Variants in PTPRN2 observed in about 807,000 individuals in gnomAD.
PTPRN2 encodes receptor-type tyrosine-protein phosphatase N2.
Under a neutral mutation model 118.8 loss-of-function variants are expected in PTPRN2, and 74 were observed. The ratio of observed to expected loss-of-function variants is 0.62; its 90% CI spans 0.52 to 0.76. The LOEUF (loss-of-function observed/expected upper bound fraction) is 0.76. PTPRN2 is among the 30% of genes least tolerant of loss of function. The pLI is 0.00. For missense variants in PTPRN2, 1,481 were observed against 1,394.4 expected, an observed-to-expected ratio of 1.06 and a Z score of -0.99; for synonymous variants, 641 against 608.0, an observed-to-expected ratio of 1.05 and a Z score of -0.80.
At chr7:157,811,332 T>TTATATGTATATATATA (rs1806026027) in intron 12 of PTPRN2, among the ~76,000 whole-genome samples, 1 of 131,296 alleles carries the variant, frequency 7.6e-6, no homozygotes. Flanking sequence ...ATCTACTCTA[T>TTATATGTATATATATA]TATATATATA....
chr7:158,270,795 GGACC>G (rs1798310903), intron 3 of PTPRN2, among the ~76,000 whole-genome samples: 4 of 71,444 alleles, frequency 5.6e-5, no homozygotes, highest in Non-Finnish European at 1.1e-4. Flanking sequence ...CCCTCCACCT[GGACC>G]ACCCCCTCAC....
chr7:158,355,869 C>A (rs115051047), intron 2 of PTPRN2, among the ~76,000 whole-genome samples: 2 of 152,134 alleles, frequency 1.3e-5, no homozygotes, highest in Admixed American at 6.5e-5. Flanking sequence ...CGTGGGGATG[C>A]GGGAAGGCTG....
chr7:157,712,746 C>T (rs932307458), intron 12 of PTPRN2, among the ~76,000 whole-genome samples: 1 of 101,486 alleles, frequency 9.9e-6, no homozygotes, highest in African/African-American at 4.1e-5. Flanking sequence ...AGTGAAACTC[C>T]ATCTCAAAAA....
At chr7:158,523,340 C>T (rs542369980) in intron 1 of PTPRN2, among the ~76,000 whole-genome samples, 2 of 130,914 alleles carry the variant, frequency 1.5e-5, no homozygotes, top group South Asian at 5.3e-4. Flanking sequence ...CTGCCGACAG[C>T]GAGTCTGCCC....
At chr7:158,191,123 G>A (rs972591540) in intron 5 of PTPRN2, among the ~76,000 whole-genome samples, 13 of 152,352 alleles carry the variant, frequency 8.5e-5, no homozygotes, top group South Asian at 2.1e-4. Context: ...GTGGCCACGC[G>A]TCCTCTGGGA....
chr7:158,304,699 A>T (rs1225693827), intron 3 of PTPRN2, among the ~76,000 whole-genome samples: 2 of 152,242 alleles, frequency 1.3e-5, no homozygotes, highest in African/African-American at 4.8e-5. Context: ...TTATCTAAGG[A>T]CTGGGAATCG....
rs1308385146 is a variant in PTPRN2, at chr7:157,627,235, G to A, written c.2197-5726C>T. 2.0e-5 allele frequency among the ~76,000 whole-genome samples: 3 copies of A among 152,190 alleles called. No individual in the cohort carries two copies. Among genetic ancestry groups the A allele is most frequent in the East Asian group, 1.9e-4 (1 of 5,196 alleles). Reference sequence around the variant, plus strand: ...GTGGTCAGGGACCCCTTCTCACACCGTGTCCCACTTCACACAGCTCCTTGC... The same window carrying A: ...GTGGTCAGGGACCCCTTCTCACACCATGTCCCACTTCACACAGCTCCTTGC... On this transcript the variant is annotated intron_variant, in intron 14 of 22. Coordinates refer to ENST00000389418, the MANE Select transcript of PTPRN2 (RefSeq NM_002847.5). This position sits in a 1 kb window ranked among gnomAD's most constrained non-coding sequence, Gnocchi z 4.2.
chr7:158,308,491 A>C (rs1174268233), intron 3 of PTPRN2, among the ~76,000 whole-genome samples: 2 of 152,168 alleles, frequency 1.3e-5, no homozygotes, highest in African/African-American at 4.8e-5. Flanking sequence ...ATTTTCTCCT[A>C]ATTTTCTTTA....
chr7:158,133,087 A>C (rs969210539), intron 9 of PTPRN2, among the ~76,000 whole-genome samples: 5 of 152,176 alleles, frequency 3.3e-5, no homozygotes, highest in Non-Finnish European at 7.3e-5. Flanking sequence ...TTAAGTTCAG[A>C]TCGACATGAG....
rs1418315723 is a variant in PTPRN2 at position 158,546,748 on chromosome 7, C to T, written c.112+40810G>A. On this transcript the variant is annotated intron_variant, in intron 1 of 22. Coordinates refer to ENST00000389418, the MANE Select transcript of PTPRN2 (RefSeq NM_002847.5). The surrounding 1 kb of genome is among the most constrained non-coding windows in gnomAD (Gnocchi z 5.0). ...CCACCAGCCTGGGAGGCCCGGTCACCCCACGGCCAGCGCCTGCCAAGTTCT... is the reference window on the plus strand; with the variant it reads ...CCACCAGCCTGGGAGGCCCGGTCACTCCACGGCCAGCGCCTGCCAAGTTCT... Among the ~76,000 whole-genome samples, 1 of 152,242 alleles carries T rather than the reference C, an allele frequency of 6.6e-6. No individual in the cohort carries two copies. Among genetic ancestry groups the T allele is most frequent in the Non-Finnish European group, 1.5e-5 (1 of 68,038 alleles).
chr7:158,087,589 G>C (rs894364426), intron 10 of PTPRN2, among the ~76,000 whole-genome samples: 1 of 152,160 alleles, frequency 6.6e-6, no homozygotes, highest in African/African-American at 2.4e-5. Context: ...CTCCCCTGAC[G>C]AAGGAGGGAG....
Position 157,861,763 on chromosome 7 carries a change from C to T in PTPRN2, c.1788+36910G>A, listed in dbSNP as rs192122278. Reference sequence around the variant, plus strand: ...AGCAGCCCTCGGCCCACAGACACAGCGCTTCCCTCCTGCCTCCGAGCCACG... The same window carrying T: ...AGCAGCCCTCGGCCCACAGACACAGTGCTTCCCTCCTGCCTCCGAGCCACG... On this transcript the variant is annotated intron_variant, in intron 12 of 22. Transcript: ENST00000389418. This position sits in a 1 kb window ranked among gnomAD's most constrained non-coding sequence, Gnocchi z 5.8. 2.6e-5 allele frequency among the ~76,000 whole-genome samples: 4 copies of T among 152,346 alleles called. No individual in the cohort carries two copies. The highest frequency in any genetic ancestry group is 2.1e-4 in the South Asian group (1 of 4,830).
At chr7:157,607,572 G>A (rs1441925498) in intron 15 of PTPRN2, among the ~76,000 whole-genome samples, 1 of 152,244 alleles carries the variant, frequency 6.6e-6, no homozygotes, top group Non-Finnish European at 1.5e-5. Context: ...CTCGTGCTTT[G>A]ATGGTGCCCA....
intron 3 of PTPRN2, among the ~76,000 whole-genome samples, chr7:158,276,429 G>T (rs1359480079): frequency 5.8e-5 from 6 of 102,780 alleles, no homozygotes; most frequent in African/African-American, 2.1e-4. Context: ...CAGGCTGTAA[G>T]GCAGCACCCC....
chr7:158,202,981 C>A lies in PTPRN2; in HGVS notation c.380+2190G>T, dbSNP rs538667992. 4.4e-4 allele frequency among the ~76,000 whole-genome samples: 67 copies of A among 152,020 alleles called. 1 individual carries two copies. The South Asian group carries it at 0.013, about 29-fold the overall frequency. ...AGATGTGGTGGCTCATGCCTGTAAT[C>A]CTAGCACTCTGGGAGGCCAAGGTGG... On this transcript the variant is annotated intron_variant, in intron 4 of 22. Transcript: ENST00000389418.
At position 157,636,900 on chromosome 7, in the gene PTPRN2, A is replaced by T. The variant is rs944300769; in HGVS notation, c.2197-15391T>A. 2.0e-5 allele frequency among the ~76,000 whole-genome samples: 3 copies of T among 152,380 alleles called. No homozygotes were observed. The East Asian group carries it at 5.8e-4, about 29-fold the overall frequency. ...TATAGATAGTTTAACACAGAAACCA[A>T]TGCTAACCTTTACAAAGAAAGTAAA... On this transcript the variant is annotated intron_variant, in intron 14 of 22. Coordinates refer to ENST00000389418, the MANE Select transcript of PTPRN2 (RefSeq NM_002847.5).
intron 12 of PTPRN2, among the ~76,000 whole-genome samples, chr7:157,806,374 A>T (rs985861782): frequency 6.6e-6 from 1 of 152,238 alleles, no homozygotes; most frequent in Non-Finnish European, 1.5e-5. Flanking sequence ...CTACATATGT[A>T]TTCATGCATG....
At position 158,528,525 on chromosome 7, in the gene PTPRN2, A is replaced by G. The variant is rs181839686; in HGVS notation, c.113-38740T>C. Among the ~76,000 whole-genome samples the G allele has an allele frequency of 6.3e-3, 962 of 152,044 alleles. 9 individuals are homozygous for G. The highest frequency in any genetic ancestry group is 0.011 in the Admixed American group (171 of 15,270). On this transcript the variant is annotated intron_variant, in intron 1 of 22. Coordinates refer to ENST00000389418, the MANE Select transcript of PTPRN2 (RefSeq NM_002847.5). Reference sequence around the variant, plus strand: ...TGCTGGGCCAGGCTCGGTGGCTCACACCTGTAATCCCAGCACTTTGGGAGG... The same window carrying G: ...TGCTGGGCCAGGCTCGGTGGCTCACGCCTGTAATCCCAGCACTTTGGGAGG...
At chr7:157,650,909 C>T (rs1294917469) in intron 14 of PTPRN2, among the ~76,000 whole-genome samples, 1 of 152,196 alleles carries the variant, frequency 6.6e-6, no homozygotes, top group Non-Finnish European at 1.5e-5. Context: ...CAATGAGAGA[C>T]AGAGATCTCT....
Sources: allele counts gnomAD v4.1 joint callset (sites outside exome capture counted in the v4.1 genomes callset), GRCh38; gene constraint gnomAD v4.1.1; non-coding constraint Gnocchi (gnomAD v3.1); transcripts MANE v1.5; gene names NCBI Gene and HGNC (gene_info 2026-07-23, HGNC 2026-07-21).